PPFIA2: variants seen among roughly 807,000 people sequenced by gnomAD.
PPFIA2 encodes the protein liprin-alpha-2.
Under a neutral mutation model 175.5 loss-of-function variants are expected in PPFIA2, and 46 were observed. The ratio of observed to expected loss-of-function variants is 0.26; its 90% confidence interval spans 0.21 to 0.34. The LOEUF (loss-of-function observed/expected upper bound fraction) is 0.34. Ranked by LOEUF, PPFIA2 falls within the 10% of genes least tolerant of loss-of-function variation. The probability of loss-of-function intolerance (pLI) is 1.00; values close to 1 mark genes in which losing one functional copy is unlikely to be tolerated. For missense variants in PPFIA2, 1,179 were observed against 1,506.1 expected (o/e 0.78, Z 3.60); for synonymous variants, 568 against 511.4 (o/e 1.11, Z -1.49).
intron 28 of PPFIA2, among the ~76,000 whole-genome samples, chr12:81,275,471 T>A (rs969379295): frequency 2.0e-5 from 3 of 152,140 alleles, no homozygotes; most frequent in African/African-American, 7.2e-5. Flanking sequence ...ACATTGTTTA[T>A]CAAAAATGTA....
At chr12:81,586,332 T>G (rs1306842151) in intron 4 of PPFIA2, among the ~76,000 whole-genome samples, 1 of 151,948 alleles carries the variant, frequency 6.6e-6, no homozygotes, top group Non-Finnish European at 1.5e-5. Flanking sequence ...TAACTTAAAA[T>G]ATCAGTTTGT....
Position 81,352,377 on chromosome 12 carries a change from C to CAGAG in PPFIA2, c.1994+738_1994+741dup, listed in dbSNP as rs112117854. On this transcript the variant is annotated intron_variant, in intron 17 of 32. Coordinates refer to ENST00000549396, the MANE Select transcript of PPFIA2 (RefSeq NM_003625.5). The stretch of plus-strand genomic sequence containing the variant: ...AGGTGGGTGGGCAGTGGGGGGCAGA[C>CAGAG]AGAGAGAGAGAGAGAGAGAGAGGCT... Among the ~76,000 whole-genome samples the CAGAG allele has an allele frequency of 4.3e-4, 62 of 145,264 alleles. No individual in the cohort carries two copies. The South Asian group carries it at 0.011, about 27-fold the overall frequency.
chr12:81,757,886 A>G (rs574266018), intron 2 of PPFIA2, among the ~76,000 whole-genome samples: 1 of 152,298 alleles, frequency 6.6e-6, no homozygotes, highest in East Asian at 1.9e-4. Context: ...TCTTCTGAAA[A>G]CATTTAGTCT....
intron 4 of PPFIA2, among the ~76,000 whole-genome samples, chr12:81,668,039 G>A (rs1269599369): frequency 1.3e-5 from 2 of 152,044 alleles, no homozygotes; most frequent in Admixed American, 1.3e-4. Flanking sequence ...CTCATTAGAG[G>A]ATTCTTTGGA....
chr12:81,350,009 T>C (rs1379304849), intron 17 of PPFIA2, among the ~76,000 whole-genome samples: 1 of 152,176 alleles, frequency 6.6e-6, no homozygotes, highest in Non-Finnish European at 1.5e-5. Context: ...TATAATCTCA[T>C]TTCATGTATT....
intron 4 of PPFIA2, among the ~76,000 whole-genome samples, chr12:81,642,932 TA>T (rs1283456543): frequency 6.9e-6 from 1 of 144,520 alleles, no homozygotes; most frequent in African/African-American, 2.5e-5. Context: ...TGTGTATATA[TA>T]ACATATGTAA....
intron 6 of PPFIA2, among the ~76,000 whole-genome samples, chr12:81,445,244 G>C (rs965385453): frequency 7.0e-6 from 1 of 143,154 alleles, no homozygotes; most frequent in Non-Finnish European, 1.5e-5. Flanking sequence ...GAGAGAGAGA[G>C]AGGCTCAATA....
chr12:81,673,743 T>G lies in PPFIA2; in HGVS notation c.303+3048A>C, dbSNP rs572283024. On this transcript the variant is annotated intron_variant, in intron 4 of 32. Transcript: ENST00000549396. ...GCATTTATTTTCTAAAATAATTATG[T>G]GATTTGGAAAAATCTGCAAGTTGTG... Among the ~76,000 whole-genome samples the G allele has an allele frequency of 3.9e-5, 6 of 152,170 alleles. No individual in the cohort carries two copies. In the South Asian group the frequency reaches 1.2e-3, roughly 32 times the overall value.
At chr12:81,646,305 G>A (rs2066061572) in intron 4 of PPFIA2, among the ~76,000 whole-genome samples, 1 of 152,106 alleles carries the variant, frequency 6.6e-6, no homozygotes, top group African/African-American at 2.4e-5. Context: ...TCTTGAAGGA[G>A]GGCTAGAAAA....
chr12:81,286,394 G>A (rs151180386), intron 24 of PPFIA2, among the ~76,000 whole-genome samples: 3 of 152,008 alleles, frequency 2.0e-5, no homozygotes, highest in Non-Finnish European at 4.4e-5. Flanking sequence ...CTATTCACGT[G>A]TACCATTTTT....
chr12:81,590,466 T>C (rs1253907958), intron 4 of PPFIA2, among the ~76,000 whole-genome samples: 1 of 152,140 alleles, frequency 6.6e-6, no homozygotes, highest in African/African-American at 2.4e-5. Context: ...TTTTTTCTTT[T>C]TCTTTTTTAT....
intron 21 of PPFIA2, among the ~76,000 whole-genome samples, chr12:81,330,556 C>T (rs2055900453): frequency 6.6e-6 from 1 of 152,130 alleles, no homozygotes; most frequent in Non-Finnish European, 1.5e-5. Context: ...AATATCTCCC[C>T]ATTTCCCAGT....
intron 13 of PPFIA2, among the ~76,000 whole-genome samples, chr12:81,367,581 T>A (rs1406102394): frequency 2.0e-5 from 3 of 151,652 alleles, no homozygotes; most frequent in Non-Finnish European, 3.0e-5. Context: ...GAAGAAATCA[T>A]GAAATCATAT....
chr12:81,325,683 C>T, intron 22 of PPFIA2, 94 bp downstream of exon 22: 1 of 915,374 alleles, frequency 1.1e-6, no homozygotes, highest in East Asian at 2.7e-5. Flanking sequence ...CAATATAGTT[C>T]TTTTGTTTCC....
At chr12:81,702,988 T>C (rs1054000975) in intron 3 of PPFIA2, among the ~76,000 whole-genome samples, 2 of 152,116 alleles carry the variant, frequency 1.3e-5, no homozygotes, top group Non-Finnish European at 2.9e-5. Flanking sequence ...TCTAGAATTA[T>C]GAGCAACAAA....
chr12:81,558,923 C>T (rs572849005), intron 4 of PPFIA2, among the ~76,000 whole-genome samples: 3 of 152,158 alleles, frequency 2.0e-5, no homozygotes, highest in South Asian at 4.2e-4. Context: ...AAAATATAGT[C>T]CCTTCTAAAC....
chr12:81,563,287 A>G (rs982350946), intron 4 of PPFIA2, among the ~76,000 whole-genome samples: 1 of 152,130 alleles, frequency 6.6e-6, no homozygotes, highest in South Asian at 2.1e-4. Context: ...TTCAAACATT[A>G]TACACTATTG....
At chr12:81,638,950 G>A (rs1389584707) in intron 4 of PPFIA2, among the ~76,000 whole-genome samples, 2 of 151,916 alleles carry the variant, frequency 1.3e-5, no homozygotes, top group Non-Finnish European at 2.9e-5. Context: ...GCCTCCCAAA[G>A]TGCTGGGATT....
intron 4 of PPFIA2, among the ~76,000 whole-genome samples, chr12:81,672,804 T>G (rs975286566): frequency 6.6e-6 from 1 of 152,006 alleles, no homozygotes; most frequent in African/African-American, 2.4e-5. Context: ...AATAACATTT[T>G]GTAACATACA....
Sources: allele counts gnomAD v4.1 joint callset (sites outside exome capture counted in the v4.1 genomes callset), GRCh38; gene constraint gnomAD v4.1.1; transcripts MANE v1.5; gene names NCBI Gene and HGNC (gene_info 2026-07-23, HGNC 2026-07-21).